Variants in RBM47 observed in about 807,000 individuals in gnomAD.
The protein encoded by RBM47 is RNA binding motif protein 47.
Under a neutral mutation model 47.1 loss-of-function variants are expected in RBM47, and 21 were observed. The observed-to-expected ratio is 0.45, with a 90% CI of 0.32 to 0.64. RBM47 has a LOEUF of 0.64. Ranked by LOEUF, RBM47 falls within the 30% of genes least tolerant of loss-of-function variation. The pLI is 0.05. For missense variants in RBM47, 708 were observed against 870.9 expected (o/e 0.81, Z 2.35); for synonymous variants, 375 against 361.7 (o/e 1.04, Z -0.42).
chr4:40,481,977 C>A (rs748977095), intron 2 of RBM47, among the ~76,000 whole-genome samples: 1 of 152,172 alleles, frequency 6.6e-6, no homozygotes, highest in Admixed American at 6.5e-5. Context: ...TGTGCCACTG[C>A]GCCCGGCCAT....
chr4:40,493,362 A>C (rs897130534), intron 2 of RBM47, among the ~76,000 whole-genome samples: 7 of 152,212 alleles, frequency 4.6e-5, no homozygotes, highest in South Asian at 2.1e-4. Flanking sequence ...AGGAGGAAGA[A>C]GGCATTCTGG....
chr4:40,564,640 T>C (rs545232550), intron 1 of RBM47, among the ~76,000 whole-genome samples: 13 of 152,268 alleles, frequency 8.5e-5, no homozygotes, highest in African/African-American at 3.1e-4. Context: ...AAGGAATCAA[T>C]AGAATTTGGA....
chr4:40,426,123 T>C lies in RBM47; in HGVS notation c.1563A>G (p.Val521=), dbSNP rs566643479. 1.2e-6 allele frequency: 2 copies of C among 1,614,166 alleles called. No homozygotes were observed. The highest frequency in any genetic ancestry group is 1.7e-6 in the Non-Finnish European group (2 of 1,180,030). Residue 521 remains valine (V), a synonymous_variant, in exon 7 of 7, where the codon GTA becomes GTG. Transcript: ENST00000295971. ...TCTGAACGTTTGGAGCCACCGTGTA[T>C]ACTGGAGTTATTGGGCGGCCCTGAG... ...PPFQGRPITP[V]YTVAPNVQRI...
At chr4:40,590,709 T>C (rs10002645) in intron 1 of RBM47, among the ~76,000 whole-genome samples, 1 of 152,200 alleles carries the variant, frequency 6.6e-6, no homozygotes, top group Admixed American at 6.5e-5. Context: ...TATTCAGTCT[T>C]AAAGAAATGA....
chr4:40,434,379 C>A (rs986940056), intron 5 of RBM47, among the ~76,000 whole-genome samples: 10 of 152,088 alleles, frequency 6.6e-5, no homozygotes, highest in Non-Finnish European at 1.0e-4. Flanking sequence ...TGAGTTTAAG[C>A]TACAAGGGGT....
At chr4:40,567,974 C>T (rs1377953905) in intron 1 of RBM47, among the ~76,000 whole-genome samples, 1 of 151,918 alleles carries the variant, frequency 6.6e-6, no homozygotes, top group Admixed American at 6.6e-5. Flanking sequence ...ATAAAATGTA[C>T]ACCTAAGAAT....
chr4:40,519,563 C>G (rs748783075), intron 2 of RBM47, among the ~76,000 whole-genome samples: 4 of 151,652 alleles, frequency 2.6e-5, no homozygotes, highest in African/African-American at 7.3e-5. Context: ...TCCCAAAGTG[C>G]TGAGATTACA....
chr4:40,478,771 C>A (rs1485220931), intron 2 of RBM47, among the ~76,000 whole-genome samples: 2 of 152,180 alleles, frequency 1.3e-5, no homozygotes, highest in Admixed American at 6.5e-5. Flanking sequence ...TAGACATGAA[C>A]CCCCATGCCC....
intron 3 of RBM47, among the ~76,000 whole-genome samples, chr4:40,462,488 C>G (rs1374443703): frequency 6.6e-6 from 1 of 152,098 alleles, no homozygotes; most frequent in Non-Finnish European, 1.5e-5. Context: ...AAGCCACTAT[C>G]TACCCCTGCT....
At chr4:40,497,041 C>CAAAAAAAA (rs10631036) in intron 2 of RBM47, among the ~76,000 whole-genome samples, 2 of 114,844 alleles carry the variant, frequency 1.7e-5, no homozygotes, top group East Asian at 2.5e-4. Context: ...AACTCCATCT[C>CAAAAAAAA]AAAAAAAAAA....
chr4:40,498,761 A>G (rs1722980608), intron 2 of RBM47, among the ~76,000 whole-genome samples: 1 of 152,126 alleles, frequency 6.6e-6, no homozygotes, highest in Non-Finnish European at 1.5e-5. Flanking sequence ...AGGCATTTAT[A>G]CATAGCGTCT....
Position 40,580,650 on chromosome 4 carries a change from C to T in RBM47, c.-239-36144G>A, listed in dbSNP as rs551279995. On this transcript the variant is annotated intron_variant, in intron 1 of 6. Coordinates refer to ENST00000295971, the MANE Select transcript of RBM47 (RefSeq NM_001098634.2). Reference sequence around the variant, plus strand: ...CCACCCGTTCTCTTTCCTTGCATTGCTGAGCAAGTTTCCCATATCATTCAG... The same window carrying T: ...CCACCCGTTCTCTTTCCTTGCATTGTTGAGCAAGTTTCCCATATCATTCAG... Among the ~76,000 whole-genome samples, 9 of 152,348 alleles carry T rather than the reference C, an allele frequency of 5.9e-5. No homozygotes were observed. The South Asian group carries it at 1.9e-3, about 32-fold the overall frequency.
At position 40,540,652 on chromosome 4, in the gene RBM47, AAT is replaced by A. The variant is rs1418316321; in HGVS notation, c.-155+3768_-155+3769del. 7.9e-3 allele frequency among the ~76,000 whole-genome samples: 611 copies of A among 77,682 alleles called. 8 individuals are homozygous for A. The highest frequency in any genetic ancestry group is 0.036 in the African/African-American group (555 of 15,472). 51.0% of individuals were successfully genotyped at this position (77,682 alleles called of 152,430 possible). The stretch of plus-strand genomic sequence containing the variant: ...AAACTCTGTCTCAAAAAAAAAAAAA[AAT>A]AATAATAATAATAATAATAATAATA... On this transcript the variant is annotated intron_variant, in intron 2 of 6. Transcript: ENST00000295971.
intron 1 of RBM47, among the ~76,000 whole-genome samples, chr4:40,611,348 G>C (rs912985945): frequency 1.3e-5 from 2 of 152,138 alleles, no homozygotes; most frequent in Admixed American, 1.3e-4. Context: ...GATACATTTT[G>C]TATCTCCAAT....
At chr4:40,458,874 A>G (rs947168311) in intron 3 of RBM47, among the ~76,000 whole-genome samples, 1 of 152,160 alleles carries the variant, frequency 6.6e-6, no homozygotes, top group Non-Finnish European at 1.5e-5. Context: ...CTAATACCCC[A>G]TGGCTTGTTT....
intron 4 of RBM47, 40 bp from the exon 5 acceptor site, chr4:40,436,687 T>G (rs1322708166): frequency 1.9e-6 from 3 of 1,592,386 alleles, no homozygotes; most frequent in Middle Eastern, 3.3e-4. Flanking sequence ...CAACCAACAG[T>G]GACGGTGCTG....
chr4:40,540,651 AAAT>A (rs199604091), intron 2 of RBM47, among the ~76,000 whole-genome samples: 14,112 of 116,572 alleles, frequency 0.12, 741 homozygotes, highest in South Asian at 0.17. Context: ...AAAAAAAAAA[AAAT>A]AATAATAATA....
At chr4:40,538,519 G>T (rs1169738570) in intron 2 of RBM47, among the ~76,000 whole-genome samples, 1 of 152,058 alleles carries the variant, frequency 6.6e-6, no homozygotes, top group Non-Finnish European at 1.5e-5. Context: ...TAGAAACAGG[G>T]TTTCACTACG....
intron 2 of RBM47, among the ~76,000 whole-genome samples, chr4:40,524,690 A>G (rs773418261): frequency 2.0e-5 from 3 of 152,220 alleles, no homozygotes; most frequent in Non-Finnish European, 4.4e-5. Flanking sequence ...GACACCGCTC[A>G]GCTCACTGCA....
Sources: allele counts gnomAD v4.1 joint callset (sites outside exome capture counted in the v4.1 genomes callset), GRCh38; gene constraint gnomAD v4.1.1; transcripts MANE v1.5; gene names NCBI Gene and HGNC (gene_info 2026-07-23, HGNC 2026-07-21).